The following EIF5 variants were observed in gnomAD, a reference collection of about 807,000 sequenced individuals.
EIF5 encodes the protein eukaryotic translation initiation factor 5.
EIF5 carries 10 observed loss-of-function variants against 48.3 expected under a neutral mutation model. The observed-to-expected ratio is 0.21, with a 90% CI of 0.13 to 0.35. The LOEUF is 0.35. Ranked by LOEUF, EIF5 falls within the 10% of genes least tolerant of loss-of-function variation. The pLI, the probability that EIF5 is intolerant of heterozygous loss-of-function variation, is 1.00. For missense variants in EIF5, 397 were observed against 533.2 expected, an observed-to-expected ratio of 0.74 and a Z score of 2.51; for synonymous variants, 237 against 173.1, an observed-to-expected ratio of 1.37 and a Z score of -2.90.
At chr14:103,337,411 C>T (rs1320516789) in intron 6 of EIF5, 184 bp downstream of exon 6, 2 of 565,060 alleles carry the variant, frequency 3.5e-6, no homozygotes, top group Non-Finnish European at 6.2e-6. Context: ...TCAAGACCAG[C>T]CTGGCCAACA....
At position 103,338,961 on chromosome 14, in the gene EIF5, A is replaced by T. The variant is rs191481387; in HGVS notation, c.744+68A>T. 5.8e-5 allele frequency: 91 copies of T among 1,558,056 alleles called. No homozygotes were observed. The East Asian group carries it at 2.0e-3, about 34-fold the overall frequency. ...TTGTTTGTGCCTTTAGATATATGAT[A>T]CTTTAGCAGTGTAATTAGGATTACT... On this transcript the variant is annotated intron_variant, in intron 8 of 11. Coordinates refer to ENST00000216554, the MANE Select transcript of EIF5 (RefSeq NM_001969.5).
rs139804436 is a variant in EIF5, at chr14:103,339,228, A to G, written c.801A>G (p.Ala267=). The change falls in exon 9 of 12, where the codon GCA becomes GCG. Residue 267 remains alanine, a synonymous_variant. Coordinates refer to ENST00000216554, the MANE Select transcript of EIF5 (RefSeq NM_001969.5). ...DSSDKEIVAE[A]ERLDVKAMGP... The stretch of plus-strand genomic sequence containing the variant: ...CTGACAAAGAAATCGTTGCTGAAGC[A>G]GAAAGACTGGATGTAAAAGCCATGG... The G allele has an allele frequency of 2.5e-4, 400 of 1,612,386 alleles. No homozygotes were observed. The highest frequency in any genetic ancestry group is 3.3e-4 in the Middle Eastern group (2 of 6,082).
Position 103,337,278 on chromosome 14 carries a change from T to C in EIF5, c.439+51T>C. On this transcript the variant is annotated intron_variant, in intron 6 of 11. Transcript: ENST00000216554. ...AGATCCTAAGATAAGTTACTAACTGTTGGGAACAAAATAGAAGGTTTTTTT... is the reference window on the plus strand; with the variant it reads ...AGATCCTAAGATAAGTTACTAACTGCTGGGAACAAAATAGAAGGTTTTTTT... 4 of 1,480,038 alleles carry C rather than the reference T, an allele frequency of 2.7e-6. No homozygotes were observed. The South Asian group carries it at 3.6e-5, about 13-fold the overall frequency. The allele number at this position is 1,480,038 out of a possible 1,614,324, so 91.7% of individuals were successfully genotyped here.
At chr14:103,338,591 AT>A in intron 7 of EIF5, 119 bp downstream of exon 7, 1 of 1,493,474 alleles carries the variant, frequency 6.7e-7, no homozygotes, top group East Asian at 2.5e-5. Flanking sequence ...AATATTGTGG[AT>A]TCCAAGTACT....
At position 103,337,966 on chromosome 14, in the gene EIF5, T is replaced by G. The variant is rs762186210; in HGVS notation, c.440-361T>G. ...CCATGAGACAAGCCGTTATATAGAC[T>G]TAAACAGTGTTCCACCTGTTGGCTA... On this transcript the variant is annotated intron_variant, in intron 6 of 11. Coordinates refer to ENST00000216554, the MANE Select transcript of EIF5 (RefSeq NM_001969.5). 3 of 538,328 alleles carry G rather than the reference T, an allele frequency of 5.6e-6. No individual in the cohort carries two copies. The East Asian group carries it at 1.5e-4, about 27-fold the overall frequency. 33.3% of individuals were successfully genotyped at this position (538,328 alleles called of 1,614,324 possible).
Position 103,336,069 on chromosome 14 carries a change from A to G in EIF5, c.106A>G (p.Ile36Val). ...CAAAGGCAATGGAATCAAGACAGTT[A>G]TAGTCAACATGGTTGACGTTGCAAA... ...EGKGNGIKTV[I>V]VNMVDVAKAL... Residue 36 changes from isoleucine to valine, a missense_variant, in exon 4 of 12, where the codon ATA becomes GTA. Transcript: ENST00000216554. The G allele has an allele frequency of 6.2e-7, 1 of 1,614,226 alleles. No homozygotes were observed. The highest frequency in any genetic ancestry group is 1.1e-5 in the South Asian group (1 of 91,088).
At chr14:103,336,950 TCAAA>T in intron 5 of EIF5, 101 bp downstream of exon 5, 1 of 1,450,634 alleles carries the variant, frequency 6.9e-7, no homozygotes, top group Non-Finnish European at 9.3e-7. Flanking sequence ...TAATTTTAAA[TCAAA>T]CACAAAACTC....
intron 6 of EIF5, chr14:103,337,445 C>A: frequency 1.9e-6 from 1 of 520,558 alleles, no homozygotes. Context: ...CTACTAAAAA[C>A]ACAAAAACTA....
chr14:103,339,350 G>A lies in EIF5; in HGVS notation c.906+17G>A, dbSNP rs1222676924. 1.1e-5 allele frequency: 18 copies of A among 1,579,306 alleles called. No homozygotes were observed. The highest frequency in any genetic ancestry group is 1.5e-5 in the Non-Finnish European group (18 of 1,169,002). On this transcript the variant is annotated intron_variant, in intron 9 of 11. Transcript: ENST00000216554. Reference sequence around the variant, plus strand: ...TTCCTACGAGTAAGCAAAGTGCTCTGGATTCATAAATGAGATTACAGTTGT... The same window carrying A: ...TTCCTACGAGTAAGCAAAGTGCTCTAGATTCATAAATGAGATTACAGTTGT...
rs763804353 is a variant in EIF5 at position 103,337,189 on chromosome 14, A to G, written c.401A>G (p.His134Arg). 4.3e-6 allele frequency: 7 copies of G among 1,613,634 alleles called. No individual in the cohort carries two copies. The highest frequency in any genetic ancestry group is 1.7e-5 in the Admixed American group (1 of 59,856). The change falls in exon 6 of 12, where the codon CAT becomes CGT. Residue 134 changes from histidine to arginine, a missense_variant. By Grantham distance (29) the His-to-Arg change is conservative. Coordinates refer to ENST00000216554, the MANE Select transcript of EIF5 (RefSeq NM_001969.5). ...GGCTATCGAGGCATGCTTGACACAC[A>G]TCATAAACTCTGCACATTCATTCTC... is the stretch of plus-strand genomic sequence containing the variant. Reference protein sequence around the residue: ...ACGYRGMLDTHHKLCTFILKN... With the variant: ...ACGYRGMLDTRHKLCTFILKN...
chr14:103,335,702 G>A lies in EIF5; in HGVS notation c.-159G>A, dbSNP rs1455615483. 3 of 676,946 alleles carry A rather than the reference G, an allele frequency of 4.4e-6. No homozygotes were observed. Among genetic ancestry groups the A allele is most frequent in the South Asian group, 1.8e-5 (1 of 55,064 alleles). The allele number at this position is 676,946 out of a possible 1,614,324, so 41.9% of individuals were successfully genotyped here. A position where few individuals can be genotyped will look rare whatever the true frequency, so the allele number is the denominator to read the frequency against. On this transcript the variant is annotated 5_prime_UTR_variant, in exon 3 of 12. Transcript: ENST00000216554. ...TGTATTGGGGAAACATAGCATACAA[G>A]CAAGAAGCTTACAGCCTCAGTGGCG...
intron 3 of EIF5, 42 bp from the exon 4 acceptor site, chr14:103,335,994 T>A (rs1165229123): frequency 6.2e-7 from 1 of 1,613,980 alleles, no homozygotes; most frequent in Non-Finnish European, 8.5e-7. Flanking sequence ...AGTTTGCATT[T>A]GTCAGGGGAA....
intron 4 of EIF5, 83 bp downstream of exon 4, chr14:103,336,200 G>T: frequency 7.5e-7 from 1 of 1,338,194 alleles, no homozygotes; most frequent in Non-Finnish European, 1.0e-6. Context: ...TGTTCTAATT[G>T]TATGCTAGCT....
At position 103,337,100 on chromosome 14, in the gene EIF5, G is replaced by T; in HGVS notation, c.328-16G>T. On this transcript the variant is annotated splice_polypyrimidine_tract_variant and intron_variant, in intron 5 of 11. Transcript: ENST00000216554. ...TCATGTTATATTATGGATAACATTTGTTATTTTTTTGGCAGCATGTCAATC... is the reference window on the plus strand; with the variant it reads ...TCATGTTATATTATGGATAACATTTTTTATTTTTTTGGCAGCATGTCAATC... 6.2e-7 allele frequency: 1 copy of T among 1,601,114 alleles called. No homozygotes were observed. The highest frequency in any genetic ancestry group is 8.5e-7 in the Non-Finnish European group (1 of 1,173,126).
chr14:103,334,726 C>T (rs1249913132), intron 2 of EIF5, 129 bp downstream of exon 2: 1 of 146,582 alleles, frequency 6.8e-6, no homozygotes, highest in South Asian at 2.1e-4. Context: ...GGGCGCCGGC[C>T]GCCCCCTCCC....
chr14:103,336,856 G>A lies in EIF5; in HGVS notation c.327+7G>A, dbSNP rs373331520. 70 of 1,606,500 alleles carry A rather than the reference G, an allele frequency of 4.4e-5. No individual in the cohort carries two copies. In the African/African-American group the frequency reaches 6.7e-4, roughly 15 times the overall value. Reference sequence around the variant, plus strand: ...GAATCCTGAAACAGATTTGGTAAGTGCTTTTGTGGTTGTCGAAAGAAAAAG... The same window carrying A: ...GAATCCTGAAACAGATTTGGTAAGTACTTTTGTGGTTGTCGAAAGAAAAAG... On this transcript the variant is annotated splice_region_variant and intron_variant, in intron 5 of 11. Transcript: ENST00000216554.
In EIF5 at chr14:103,341,970, G is replaced by GT. The variant is rs34582999; in HGVS notation, c.*920dup. 2,485 of 152,694 alleles carry GT rather than the reference G, an allele frequency of 0.016. 27 individuals carry two copies. The highest frequency in any genetic ancestry group is 0.029 in the East Asian group (150 of 5,188). 9.5% of individuals were successfully genotyped at this position (152,694 alleles called of 1,614,324 possible). ...AGGGTTTAAATTACAATTCCAAAAT[G>GT]TTAGACATACTGTATTTTTTCGTTC... is the stretch of plus-strand genomic sequence containing the variant. On this transcript the variant is annotated 3_prime_UTR_variant, in exon 12 of 12. Coordinates refer to ENST00000216554, the MANE Select transcript of EIF5 (RefSeq NM_001969.5).
chr14:103,338,644 A>T, intron 7 of EIF5, 91 bp from the exon 8 acceptor site: 2 of 1,543,712 alleles, frequency 1.3e-6, no homozygotes, highest in Middle Eastern at 1.8e-4. Context: ...TTGGATGGAG[A>T]TGGACTTGAT....
intron 6 of EIF5, 150 bp downstream of exon 6, chr14:103,337,377 G>C (rs1270993719): frequency 1.6e-6 from 1 of 640,354 alleles, no homozygotes; most frequent in Admixed American, 3.5e-5. Flanking sequence ...GGCCAGGGCG[G>C]GCACATCACT....
Sources: allele counts gnomAD v4.1 joint callset, GRCh38; gene constraint gnomAD v4.1.1; transcripts MANE v1.5; gene names NCBI Gene and HGNC (gene_info 2026-07-23, HGNC 2026-07-21).